SORCS2: variants seen among roughly 807,000 people sequenced by gnomAD.
The protein encoded by SORCS2 is sortilin related VPS10 domain containing receptor 2, also known as VPS10 domain-containing receptor SorCS2.
In SORCS2, 100 loss-of-function variants were observed where a neutral mutation model predicts 141.6. The observed-to-expected ratio is 0.71, with a 90% CI of 0.60 to 0.83. The LOEUF is 0.83. SORCS2 is among the 40% of genes least tolerant of loss of function. The pLI is 0.00. For missense variants in SORCS2, 1,646 were observed against 1,560.2 expected (o/e 1.05, Z -0.93); for synonymous variants, 789 against 676.9 (o/e 1.17, Z -2.57).
At chr4:7,661,460 G>GACTC (rs1560464373) in intron 5 of SORCS2, 40 bp from the exon 6 acceptor site, 6 of 1,548,138 alleles carry the variant, frequency 3.9e-6, no homozygotes, top group Non-Finnish European at 5.2e-6. Flanking sequence ...CGGGCATGGT[G>GACTC]ACTCCATTCC....
chr4:7,411,297 C>T (rs547129750), intron 2 of SORCS2, among the ~76,000 whole-genome samples: 5 of 151,984 alleles, frequency 3.3e-5, no homozygotes, highest in East Asian at 1.9e-4. Context: ...CCCTTGGGTC[C>T]GGGCTCCAGG....
chr4:7,277,594 G>C (rs984629306), intron 1 of SORCS2, among the ~76,000 whole-genome samples: 2 of 152,198 alleles, frequency 1.3e-5, no homozygotes, highest in Admixed American at 1.3e-4. Flanking sequence ...TTGAAAGTCA[G>C]GGGGAGAGAT....
intron 3 of SORCS2, among the ~76,000 whole-genome samples, chr4:7,544,222 C>T (rs1713071471): frequency 1.3e-5 from 2 of 152,206 alleles, no homozygotes; most frequent in South Asian, 4.1e-4. Context: ...CATCATGCAT[C>T]AACTTATTTA....
At chr4:7,210,565 G>A (rs1728004935) in intron 1 of SORCS2, among the ~76,000 whole-genome samples, 1 of 152,210 alleles carries the variant, frequency 6.6e-6, no homozygotes, top group Admixed American at 6.5e-5. Context: ...ACAGGTGTGA[G>A]CCGCCATGCC....
At chr4:7,276,310 C>T (rs929766620) in intron 1 of SORCS2, among the ~76,000 whole-genome samples, 11 of 152,164 alleles carry the variant, frequency 7.2e-5, no homozygotes, top group Non-Finnish European at 1.3e-4. Context: ...ATGCCCTGTG[C>T]TGAGGGAGTG....
Position 7,704,246 on chromosome 4 carries a change from G to A in SORCS2, c.1830G>A (p.Gly610=). The A allele has an allele frequency of 6.2e-7, 1 of 1,612,850 alleles. No homozygotes were observed. The highest frequency in any genetic ancestry group is 8.5e-7 in the Non-Finnish European group (1 of 1,179,542). Residue 610 remains glycine (G), a synonymous_variant, in exon 14 of 27, where the codon GGG becomes GGA. Coordinates refer to ENST00000507866, the MANE Select transcript of SORCS2 (RefSeq NM_020777.3). ...CCAGCACCTCGGTGTTTGTGGACGG[G>A]CTGCTGAGTGAGCCAGGGGACGAGA... is the stretch of plus-strand genomic sequence containing the variant. The part of the protein sequence containing the change: ...NFTSTSVFVD[G]LLSEPGDETL...
intron 1 of SORCS2, among the ~76,000 whole-genome samples, chr4:7,263,406 A>C (rs893860782): frequency 1.3e-5 from 2 of 151,924 alleles, no homozygotes; most frequent in South Asian, 4.1e-4. Context: ...AGCACCCGTC[A>C]TTCTGGTTCT....
chr4:7,434,150 G>T (rs1234266136), intron 2 of SORCS2: 1 of 1,613,912 alleles, frequency 6.2e-7, no homozygotes, highest in Non-Finnish European at 8.5e-7. Context: ...AGCTCCTGCG[G>T]GGGGAGAAGC....
intron 2 of SORCS2, among the ~76,000 whole-genome samples, chr4:7,410,078 G>T (rs1725205615): frequency 6.6e-6 from 1 of 152,348 alleles, no homozygotes; most frequent in East Asian, 1.9e-4. Flanking sequence ...GGCCCTGGGG[G>T]ACATCCCCAT....
intron 11 of SORCS2, among the ~76,000 whole-genome samples, chr4:7,691,887 C>A (rs1478138356): frequency 6.6e-6 from 1 of 152,126 alleles, no homozygotes; most frequent in Non-Finnish European, 1.5e-5. Flanking sequence ...GGTCTCCCAA[C>A]ATCTCTCAGT....
At chr4:7,649,710 G>C (rs960172787) in intron 4 of SORCS2, among the ~76,000 whole-genome samples, 31 of 152,154 alleles carry the variant, frequency 2.0e-4, no homozygotes, top group Non-Finnish European at 8.8e-5. Flanking sequence ...TCCAGGAGGA[G>C]GGGGCACACC....
At chr4:7,384,892 G>C (rs887089668) in intron 1 of SORCS2, among the ~76,000 whole-genome samples, 1 of 152,374 alleles carries the variant, frequency 6.6e-6, no homozygotes. Flanking sequence ...CTGCATTCGA[G>C]GAGGAATCAG....
chr4:7,339,725 G>A (rs1720253510), intron 1 of SORCS2, among the ~76,000 whole-genome samples: 1 of 152,220 alleles, frequency 6.6e-6, no homozygotes, highest in African/African-American at 2.4e-5. Flanking sequence ...TGGGGGTTAG[G>A]ACTTCAACAT....
At chr4:7,454,618 T>G (rs1475198340) in intron 2 of SORCS2, among the ~76,000 whole-genome samples, 4 of 90,412 alleles carry the variant, frequency 4.4e-5, no homozygotes, top group Admixed American at 1.3e-4. Context: ...CACTGTGTGT[T>G]GGGGTCAGGT....
intron 1 of SORCS2, among the ~76,000 whole-genome samples, chr4:7,207,720 G>T (rs542320971): frequency 6.6e-6 from 1 of 152,160 alleles, no homozygotes; most frequent in Non-Finnish European, 1.5e-5. Context: ...ATTTTATGTG[G>T]TTCCAATTTC....
chr4:7,564,992 G>A (rs1301992369), intron 3 of SORCS2, among the ~76,000 whole-genome samples: 1 of 152,112 alleles, frequency 6.6e-6, no homozygotes, highest in Non-Finnish European at 1.5e-5. Context: ...GCACCGGCAG[G>A]CTTTGGAAAT....
In SORCS2 at chr4:7,714,438, C is replaced by T. The variant is rs1577108382; in HGVS notation, c.2123+65C>T. ...CTTGAGCATCCTCACAGCATGGCGG[C>T]CACTTCCCTCAGAGTGAGGGAGGAA... On this transcript the variant is annotated intron_variant, in intron 16 of 26. Transcript: ENST00000507866. The T allele has an allele frequency of 9.9e-6, 15 of 1,508,550 alleles. No individual in the cohort carries two copies. In the Middle Eastern group the frequency reaches 5.8e-4, roughly 59 times the overall value. The allele number at this position is 1,508,550 out of a possible 1,614,324, so 93.4% of individuals were successfully genotyped here. A position where few individuals can be genotyped will look rare whatever the true frequency, so the allele number is the denominator to read the frequency against.
chr4:7,713,701 T>C (rs1237617176), intron 15 of SORCS2, among the ~76,000 whole-genome samples: 2 of 152,164 alleles, frequency 1.3e-5, no homozygotes, highest in Non-Finnish European at 2.9e-5. Flanking sequence ...CCTGCCAAAC[T>C]GCCTTAGCAG....
At chr4:7,421,684 T>A (rs1408641753) in intron 2 of SORCS2, among the ~76,000 whole-genome samples, 1 of 152,048 alleles carries the variant, frequency 6.6e-6, no homozygotes, top group Non-Finnish European at 1.5e-5. Context: ...GGACAGCGAG[T>A]GACTGTGCAC....
Sources: allele counts gnomAD v4.1 joint callset (sites outside exome capture counted in the v4.1 genomes callset), GRCh38; gene constraint gnomAD v4.1.1; transcripts MANE v1.5; gene names NCBI Gene and HGNC (gene_info 2026-07-23, HGNC 2026-07-21).